Variants in ZDHHC14 observed in about 807,000 individuals in gnomAD.
The protein encoded by ZDHHC14 is palmitoyltransferase ZDHHC14.
Under a neutral mutation model 47.7 loss-of-function variants are expected in ZDHHC14, and 16 were observed. The ratio of observed to expected loss-of-function variants is 0.34; its 90% confidence interval spans 0.23 to 0.51. The LOEUF is 0.51. Among genes scored for constraint, ZDHHC14 ranks in the 20% least tolerant of loss-of-function variants. ZDHHC14 has a pLI of 0.97. For missense variants in ZDHHC14, 515 were observed against 662.5 expected (o/e 0.78, Z 2.44); for synonymous variants, 293 against 278.9 (o/e 1.05, Z -0.50).
At chr6:157,518,932 C>T (rs1035473810) in intron 1 of ZDHHC14, among the ~76,000 whole-genome samples, 2 of 152,226 alleles carry the variant, frequency 1.3e-5, no homozygotes, top group Non-Finnish European at 2.9e-5. Flanking sequence ...ATACGGCGGC[C>T]AGCCAAGAAA....
chr6:157,635,919 C>T (rs764067858), intron 5 of ZDHHC14, among the ~76,000 whole-genome samples: 2 of 152,148 alleles, frequency 1.3e-5, no homozygotes, highest in Non-Finnish European at 2.9e-5. Flanking sequence ...TTTTTGAAAA[C>T]GCATAGAAGT....
chr6:157,672,738 G>A lies in ZDHHC14; in HGVS notation c.1083G>A (p.Gln361=), dbSNP rs1282316321. 4 of 1,505,802 alleles carry A rather than the reference G, an allele frequency of 2.7e-6. No individual in the cohort carries two copies. Among genetic ancestry groups the A allele is most frequent in the Non-Finnish European group, 3.6e-6 (4 of 1,112,324 alleles). 93.3% of individuals were successfully genotyped at this position (1,505,802 alleles called of 1,614,324 possible). Residue 361 remains glutamine (Q), a synonymous_variant, in exon 9 of 9, where the codon CAG becomes CAA. Transcript: ENST00000359775. ...CCGCTCTCCAGTGCGACCAAGACCAGTGCATTCAGAGCACCAAATTCGTTT... is the reference window on the plus strand; with the variant it reads ...CCGCTCTCCAGTGCGACCAAGACCAATGCATTCAGAGCACCAAATTCGTTT... ...QSQSDMCDQD[Q]CIQSTKFVLQ... is the part of the protein sequence containing the mutation.
At chr6:157,461,642 C>G (rs1470825409) in intron 1 of ZDHHC14, among the ~76,000 whole-genome samples, 1 of 152,132 alleles carries the variant, frequency 6.6e-6, no homozygotes, top group East Asian at 1.9e-4. Context: ...AGCCTCCGCC[C>G]CACCCTGATA....
intron 1 of ZDHHC14, among the ~76,000 whole-genome samples, chr6:157,384,992 G>T (rs1777283159): frequency 1.3e-5 from 2 of 152,128 alleles, no homozygotes; most frequent in South Asian, 4.1e-4. Context: ...ATGTTCCCCA[G>T]GCTGGTCTTG....
At chr6:157,599,554 T>G (rs560443674) in intron 3 of ZDHHC14, among the ~76,000 whole-genome samples, 18 of 152,238 alleles carry the variant, frequency 1.2e-4, no homozygotes, top group Non-Finnish European at 2.4e-4. Flanking sequence ...CTCCCACCTA[T>G]TTTGGGGTTC....
At chr6:157,421,024 AACGTAAT>A (rs1418442173) in intron 1 of ZDHHC14, among the ~76,000 whole-genome samples, 1 of 152,192 alleles carries the variant, frequency 6.6e-6, no homozygotes, top group Non-Finnish European at 1.5e-5. Context: ...CATCTGAACT[AACGTAAT>A]ACCTTTTTTA....
intron 1 of ZDHHC14, among the ~76,000 whole-genome samples, chr6:157,465,105 CTTTTTTTTTTT>C (rs772080368): frequency 0.021 from 2,159 of 102,028 alleles, 31 homozygotes; most frequent in Non-Finnish European, 0.029. Context: ...TCTCTTTCTC[CTTTTTTTTTTT>C]TTTTTTTTTT....
chr6:157,472,390 A>G (rs887230546), intron 1 of ZDHHC14, among the ~76,000 whole-genome samples: 22 of 152,098 alleles, frequency 1.4e-4, no homozygotes, highest in African/African-American at 5.1e-4. Flanking sequence ...ACAGGGAGAT[A>G]AATGTTTATC....
At chr6:157,535,354 C>G (rs544591283) in intron 1 of ZDHHC14, among the ~76,000 whole-genome samples, 1 of 152,178 alleles carries the variant, frequency 6.6e-6, no homozygotes, top group East Asian at 1.9e-4. Flanking sequence ...TTCCTCGACT[C>G]GGTAGGGTGA....
chr6:157,666,714 T>C (rs1778568410), intron 8 of ZDHHC14, among the ~76,000 whole-genome samples: 3 of 152,242 alleles, frequency 2.0e-5, no homozygotes, highest in Admixed American at 1.3e-4. Flanking sequence ...GTAGCATCTG[T>C]ACACTCGGTT....
chr6:157,669,977 C>G (rs1778721032), intron 8 of ZDHHC14, among the ~76,000 whole-genome samples: 1 of 152,232 alleles, frequency 6.6e-6, no homozygotes, highest in African/African-American at 2.4e-5. Context: ...GGTATAGTTT[C>G]CAGAAGACGA....
At chr6:157,522,556 A>G (rs1374259057) in intron 1 of ZDHHC14, among the ~76,000 whole-genome samples, 1 of 152,078 alleles carries the variant, frequency 6.6e-6, no homozygotes, top group Non-Finnish European at 1.5e-5. Context: ...ATACAGGCTC[A>G]GGAAACAGAA....
intron 1 of ZDHHC14, among the ~76,000 whole-genome samples, chr6:157,385,920 A>G (rs1015879367): frequency 2.0e-5 from 3 of 152,220 alleles, no homozygotes; most frequent in African/African-American, 7.2e-5. Context: ...CCCAATCTGT[A>G]AACTGAGATT....
At chr6:157,499,943 G>A (rs535842745) in intron 1 of ZDHHC14, among the ~76,000 whole-genome samples, 11 of 152,304 alleles carry the variant, frequency 7.2e-5, no homozygotes, top group African/African-American at 2.6e-4. Context: ...CAAAATCCCT[G>A]CCTTCAAGGG....
intron 2 of ZDHHC14, among the ~76,000 whole-genome samples, chr6:157,549,222 G>C (rs148286704): frequency 6.6e-6 from 1 of 152,200 alleles, no homozygotes; most frequent in Admixed American, 6.5e-5. Context: ...CTCTCTCCCC[G>C]GTACAGCCTC....
intron 1 of ZDHHC14, among the ~76,000 whole-genome samples, chr6:157,477,208 C>T (rs1464385369): frequency 4.6e-5 from 7 of 152,040 alleles, no homozygotes; most frequent in South Asian, 4.2e-4. Flanking sequence ...GGTGAAACCC[C>T]GTCTCTACTA....
At chr6:157,510,809 G>A (rs2114748982) in intron 1 of ZDHHC14, among the ~76,000 whole-genome samples, 1 of 152,320 alleles carries the variant, frequency 6.6e-6, no homozygotes, top group East Asian at 1.9e-4. Context: ...CCACCAGGCA[G>A]GCGCCCAGGG....
intron 1 of ZDHHC14, among the ~76,000 whole-genome samples, chr6:157,388,677 A>G (rs1777364797): frequency 6.6e-6 from 1 of 152,210 alleles, no homozygotes; most frequent in Non-Finnish European, 1.5e-5. Flanking sequence ...TTTCAAACTT[A>G]TTTTTATAAA....
chr6:157,534,110 A>T (rs1460687110), intron 1 of ZDHHC14, among the ~76,000 whole-genome samples: 1 of 152,128 alleles, frequency 6.6e-6, no homozygotes, highest in African/African-American at 2.4e-5. Context: ...CAGAATGGAC[A>T]CCCTTCAAAT....
Sources: allele counts gnomAD v4.1 joint callset (sites outside exome capture counted in the v4.1 genomes callset), GRCh38; gene constraint gnomAD v4.1.1; transcripts MANE v1.5; gene names NCBI Gene and HGNC (gene_info 2026-07-23, HGNC 2026-07-21).